The following ATP8A2 variants were observed in gnomAD, a reference collection of about 807,000 sequenced individuals.
The protein encoded by ATP8A2 is phospholipid-transporting ATPase IB.
Under a neutral mutation model 165.6 loss-of-function variants are expected in ATP8A2, and 100 were observed. The observed-to-expected ratio is 0.60, with a 90% CI of 0.51 to 0.71. The LOEUF is 0.71. Among genes scored for constraint, ATP8A2 ranks in the 30% least tolerant of loss-of-function variants. The probability of loss-of-function intolerance (pLI) is 0.00; values close to 1 mark genes in which losing one functional copy is unlikely to be tolerated. For missense variants in ATP8A2, 1,227 were observed against 1,479.5 expected (o/e 0.83, Z 2.80); for synonymous variants, 543 against 548.8 (o/e 0.99, Z 0.15).
intron 1 of ATP8A2, among the ~76,000 whole-genome samples, chr13:25,383,069 CAG>C (rs942277428): frequency 1.4e-5 from 2 of 146,792 alleles, no homozygotes; most frequent in Non-Finnish European, 3.0e-5. Flanking sequence ...CTTTTTGAGA[CAG>C]AGTCTTGCTT....
chr13:25,375,289 CT>C (rs1247481826), intron 1 of ATP8A2, among the ~76,000 whole-genome samples: 1 of 152,204 alleles, frequency 6.6e-6, no homozygotes, highest in African/African-American at 2.4e-5. Context: ...TCTCACAGAG[CT>C]TATGGTCTAG....
intron 1 of ATP8A2, among the ~76,000 whole-genome samples, chr13:25,441,980 T>C (rs1298075753): frequency 6.6e-6 from 1 of 152,218 alleles, no homozygotes; most frequent in African/African-American, 2.4e-5. Context: ...CTACTCTAAG[T>C]ACCTCTTATA....
intron 24 of ATP8A2, among the ~76,000 whole-genome samples, chr13:25,633,481 C>A (rs975012406): frequency 6.6e-6 from 1 of 152,170 alleles, no homozygotes; most frequent in African/African-American, 2.4e-5. Context: ...GAGATCACCT[C>A]TTTGTCTTTT....
intron 2 of ATP8A2, among the ~76,000 whole-genome samples, chr13:25,528,600 C>G (rs1441496173): frequency 6.6e-6 from 1 of 152,146 alleles, no homozygotes; most frequent in Non-Finnish European, 1.5e-5. Context: ...GTCTCCTGAG[C>G]CCTTCGCCCT....
chr13:25,978,030 A>G (rs1381327218), intron 35 of ATP8A2, among the ~76,000 whole-genome samples: 1 of 152,154 alleles, frequency 6.6e-6, no homozygotes, highest in Non-Finnish European at 1.5e-5. Context: ...ACTTTTTTTC[A>G]AGAACCATTT....
At chr13:25,439,199 G>A (rs1412468521) in intron 1 of ATP8A2, among the ~76,000 whole-genome samples, 1 of 152,204 alleles carries the variant, frequency 6.6e-6, no homozygotes, top group Non-Finnish European at 1.5e-5. Flanking sequence ...GGCAAGGGCA[G>A]TTCGGGGTAA....
intron 25 of ATP8A2, 84 bp from the exon 26 acceptor site, chr13:25,768,962 C>A (rs1260078168): frequency 1.5e-6 from 2 of 1,302,404 alleles, no homozygotes. Flanking sequence ...CAGTAACTGT[C>A]CTTTTAATGC....
intron 1 of ATP8A2, among the ~76,000 whole-genome samples, chr13:25,382,411 G>T (rs1185316592): frequency 6.6e-6 from 1 of 152,164 alleles, no homozygotes; most frequent in Non-Finnish European, 1.5e-5. Flanking sequence ...GCAGGTTTTT[G>T]TGTGGACATA....
intron 24 of ATP8A2, among the ~76,000 whole-genome samples, chr13:25,660,492 T>C (rs181187423): frequency 6.6e-6 from 1 of 152,216 alleles, no homozygotes; most frequent in Non-Finnish European, 1.5e-5. Context: ...CAAATCACAC[T>C]CTCAAATAAG....
intron 35 of ATP8A2, among the ~76,000 whole-genome samples, chr13:25,982,997 A>ATGCATTATTCT (rs1956200975): frequency 6.6e-6 from 1 of 152,132 alleles, no homozygotes; most frequent in Non-Finnish European, 1.5e-5. Context: ...GTTTGTGTCA[A>ATGCATTATTCT]TGCATTATTC....
At chr13:25,627,335 G>A (rs1161828062) in intron 24 of ATP8A2, among the ~76,000 whole-genome samples, 2 of 152,212 alleles carry the variant, frequency 1.3e-5, no homozygotes, top group Admixed American at 1.3e-4. Context: ...AAGGAAGCAG[G>A]ATTATTCTAG....
intron 24 of ATP8A2, among the ~76,000 whole-genome samples, chr13:25,653,607 A>C (rs2041863377): frequency 6.6e-6 from 1 of 152,234 alleles, no homozygotes; most frequent in Non-Finnish European, 1.5e-5. Flanking sequence ...TTTAAAATAA[A>C]AGTTAAATTA....
chr13:25,569,095 G>A (rs1333988710), intron 16 of ATP8A2, among the ~76,000 whole-genome samples: 2 of 152,094 alleles, frequency 1.3e-5, no homozygotes, highest in Non-Finnish European at 2.9e-5. Context: ...TTCATTACGG[G>A]ACAAGGTTAT....
chr13:25,656,956 G>A (rs1296270673), intron 24 of ATP8A2, among the ~76,000 whole-genome samples: 1 of 144,678 alleles, frequency 6.9e-6, no homozygotes, highest in East Asian at 2.3e-4. Flanking sequence ...CAGAGGCTGA[G>A]GAAGGACAAT....
chr13:25,495,780 A>G (rs1355623892), intron 2 of ATP8A2, among the ~76,000 whole-genome samples: 4 of 151,780 alleles, frequency 2.6e-5, no homozygotes, highest in African/African-American at 9.7e-5. Context: ...GTCTGTTTTT[A>G]TAGCTTAAAG....
chr13:25,702,490 G>T (rs2042971887), intron 25 of ATP8A2, among the ~76,000 whole-genome samples: 1 of 152,164 alleles, frequency 6.6e-6, no homozygotes, highest in South Asian at 2.1e-4. Context: ...TCTGGCAGGG[G>T]TGTTGCCATG....
At chr13:25,913,014 C>T (rs952449434) in intron 33 of ATP8A2, among the ~76,000 whole-genome samples, 1 of 152,180 alleles carries the variant, frequency 6.6e-6, no homozygotes, top group Non-Finnish European at 1.5e-5. Context: ...ATCATCCCTA[C>T]GTGTAGGTTC....
chr13:25,625,441 T>G lies in ATP8A2; in HGVS notation c.2211+35742T>G, dbSNP rs74646210. On this transcript the variant is annotated intron_variant, in intron 24 of 36. Coordinates refer to ENST00000381655, the MANE Select transcript of ATP8A2 (RefSeq NM_016529.6). ...AAGTGCTACTATAGTGATTGAACTCTAGCTGCTAATTGAGCCTTCAGGTTT... is the reference window on the plus strand; with the variant it reads ...AAGTGCTACTATAGTGATTGAACTCGAGCTGCTAATTGAGCCTTCAGGTTT... 4.9e-3 allele frequency among the ~76,000 whole-genome samples: 746 copies of G among 152,322 alleles called. 2 individuals carry two copies. Among genetic ancestry groups the G allele is most frequent in the South Asian group, 0.013 (62 of 4,824 alleles).
Position 25,398,378 on chromosome 13 carries a change from A to T in ATP8A2, c.76+26090A>T, listed in dbSNP as rs1277352191. 2.6e-5 allele frequency among the ~76,000 whole-genome samples: 4 copies of T among 152,290 alleles called. No individual in the cohort carries two copies. In the South Asian group the frequency reaches 8.3e-4, roughly 32 times the overall value. On this transcript the variant is annotated intron_variant, in intron 1 of 36. Transcript: ENST00000381655. ...ACATCAAAAGAGAGAATGTATAATG[A>T]GGTATGTCTGACCCCCTCCTTCCTA...
Sources: gnomAD v4.1 joint callset for allele counts (sites outside exome capture counted in the v4.1 genomes callset) on GRCh38, gnomAD v4.1.1 for gene constraint, MANE v1.5 for transcripts, NCBI Gene and HGNC (gene_info 2026-07-23, HGNC 2026-07-21) for gene names.